The following LMX1A variants were observed in gnomAD, a reference collection of about 807,000 sequenced individuals.
LMX1A encodes the protein LIM homeobox transcription factor 1-alpha.
Under a neutral mutation model 49.1 loss-of-function variants are expected in LMX1A, and 15 were observed. The ratio of observed to expected loss-of-function variants is 0.31; its 90% CI spans 0.20 to 0.47. The LOEUF is 0.47. Among genes scored for constraint, LMX1A ranks in the 20% least tolerant of loss-of-function variants. The probability of loss-of-function intolerance (pLI) is 1.00; values close to 1 mark genes in which losing one functional copy is unlikely to be tolerated. For synonymous variants in LMX1A, 167 were observed against 185.7 expected (o/e 0.90, Z 0.82); for missense variants, 372 against 475.8 (o/e 0.78, Z 2.03).
chr1:165,263,928 C>A (rs1359340335), intron 3 of LMX1A, among the ~76,000 whole-genome samples: 1 of 152,118 alleles, frequency 6.6e-6, no homozygotes, highest in Non-Finnish European at 1.5e-5. Flanking sequence ...AATACTACCA[C>A]CATTATCAAC....
At chr1:165,345,676 G>A (rs17428424) in intron 3 of LMX1A, among the ~76,000 whole-genome samples, 14,562 of 152,166 alleles carry the variant, frequency 0.096, 906 homozygotes, top group South Asian at 0.19. Context: ...GCTACTCACC[G>A]TCTATTTGCC....
chr1:165,231,090 T>TTTTATTTA (rs140274113), intron 4 of LMX1A, among the ~76,000 whole-genome samples: 18 of 151,334 alleles, frequency 1.2e-4, no homozygotes, highest in Middle Eastern at 3.4e-3. Flanking sequence ...TTTTTAAAAT[T>TTTTATTTA]TTTATTTATT....
intron 3 of LMX1A, among the ~76,000 whole-genome samples, chr1:165,279,791 C>T (rs188064942): frequency 6.6e-6 from 1 of 152,252 alleles, no homozygotes; most frequent in East Asian, 1.9e-4. Context: ...CATCAATAAA[C>T]ATATCAACTG....
chr1:165,312,801 G>A (rs1343227447), intron 3 of LMX1A, among the ~76,000 whole-genome samples: 2 of 152,208 alleles, frequency 1.3e-5, no homozygotes, highest in African/African-American at 4.8e-5. Flanking sequence ...CATCCTTGCT[G>A]AGCCCTACCC....
At chr1:165,223,244 G>A (rs1213589028) in intron 4 of LMX1A, among the ~76,000 whole-genome samples, 2 of 152,116 alleles carry the variant, frequency 1.3e-5, no homozygotes, top group African/African-American at 2.4e-5. Flanking sequence ...GTAGATAAAT[G>A]CACTTTGAAA....
intron 4 of LMX1A, among the ~76,000 whole-genome samples, chr1:165,224,731 A>G (rs1262889022): frequency 6.6e-6 from 1 of 152,256 alleles, no homozygotes; most frequent in African/African-American, 2.4e-5. Flanking sequence ...AATGCGTTGC[A>G]CAAACAAATG....
chr1:165,283,562 C>A (rs1654213734), intron 3 of LMX1A, among the ~76,000 whole-genome samples: 1 of 152,184 alleles, frequency 6.6e-6, no homozygotes, highest in Non-Finnish European at 1.5e-5. Flanking sequence ...ACATTCAGCT[C>A]TTAGCTCAAA....
chr1:165,224,097 A>T (rs887835292), intron 4 of LMX1A, among the ~76,000 whole-genome samples: 1 of 152,186 alleles, frequency 6.6e-6, no homozygotes, highest in Admixed American at 6.5e-5. Flanking sequence ...TGGTGTTGTC[A>T]TGATGATAGT....
intron 3 of LMX1A, among the ~76,000 whole-genome samples, chr1:165,311,689 G>A (rs1305846070): frequency 6.6e-6 from 1 of 152,220 alleles, no homozygotes; most frequent in Non-Finnish European, 1.5e-5. Context: ...TGTAGCCCCA[G>A]CTTTGAAAGA....
At chr1:165,232,154 C>A (rs1410141723) in intron 4 of LMX1A, among the ~76,000 whole-genome samples, 2 of 152,234 alleles carry the variant, frequency 1.3e-5, no homozygotes, top group Non-Finnish European at 2.9e-5. Flanking sequence ...GCTGCGGATG[C>A]ATCCCTGTGC....
intron 3 of LMX1A, among the ~76,000 whole-genome samples, chr1:165,313,471 C>CTTT (rs34912339): frequency 0.01 from 1,157 of 114,274 alleles, 1 homozygote; most frequent in East Asian, 0.022. Context: ...CACCTTCTTC[C>CTTT]TTTTTTTTTT....
At chr1:165,334,412 T>C (rs566663793) in intron 3 of LMX1A, among the ~76,000 whole-genome samples, 199 of 152,314 alleles carry the variant, frequency 1.3e-3, no homozygotes, top group African/African-American at 4.5e-3. Flanking sequence ...GTTATTTACA[T>C]TGATCATCTC....
intron 3 of LMX1A, among the ~76,000 whole-genome samples, chr1:165,255,417 G>T (rs988658181): frequency 8.5e-5 from 13 of 152,186 alleles, no homozygotes; most frequent in African/African-American, 2.9e-4. Context: ...ATAACTTTCA[G>T]TTTTGGTGAG....
chr1:165,335,482 G>A (rs1419530670), intron 3 of LMX1A, among the ~76,000 whole-genome samples: 4 of 151,988 alleles, frequency 2.6e-5, no homozygotes, highest in African/African-American at 9.7e-5. Context: ...CATACCTTCT[G>A]AGAGAAAGTG....
chr1:165,257,233 C>G (rs1420953487), intron 3 of LMX1A, among the ~76,000 whole-genome samples: 1 of 151,906 alleles, frequency 6.6e-6, no homozygotes. Flanking sequence ...AGGAGAGAAC[C>G]ACTCTGGGAT....
chr1:165,351,328 G>A (rs975893839), intron 3 of LMX1A, among the ~76,000 whole-genome samples: 2 of 152,138 alleles, frequency 1.3e-5, no homozygotes, highest in African/African-American at 4.8e-5. Context: ...AAAAGCTTTC[G>A]ATGAAAAGCG....
chr1:165,263,016 A>C lies in LMX1A; in HGVS notation c.264-13376T>G, dbSNP rs188462573. On this transcript the variant is annotated intron_variant, in intron 3 of 8. Transcript: ENST00000342310. ...CATCATCAATCATTTGGCTTCCAGG[A>C]CTGCTCACTCCTGATTTTCCTCCCA... Among the ~76,000 whole-genome samples the C allele has an allele frequency of 2.9e-4, 44 of 152,192 alleles. No individual in the cohort carries two copies. In the East Asian group the frequency reaches 7.7e-3, roughly 27 times the overall value.
intron 3 of LMX1A, among the ~76,000 whole-genome samples, chr1:165,280,407 C>A (rs1405402467): frequency 6.6e-6 from 1 of 152,168 alleles, no homozygotes; most frequent in Non-Finnish European, 1.5e-5. Context: ...CATCTGAAGC[C>A]AGCCTCTTCA....
intron 4 of LMX1A, among the ~76,000 whole-genome samples, chr1:165,245,624 A>T (rs1271884772): frequency 2.4e-5 from 2 of 82,346 alleles, no homozygotes; most frequent in Non-Finnish European, 5.0e-5. Context: ...ATGTGCTCTG[A>T]CCAGGGCAAA....
Sources: gnomAD v4.1 joint callset for allele counts (sites outside exome capture counted in the v4.1 genomes callset) on GRCh38, gnomAD v4.1.1 for gene constraint, MANE v1.5 for transcripts, NCBI Gene and HGNC (gene_info 2026-07-23, HGNC 2026-07-21) for gene names.